Variants in E4F1 observed in about 807,000 individuals in gnomAD.
E4F1 encodes the protein transcription factor E4F1.
In E4F1, 30 loss-of-function variants were observed where a neutral mutation model predicts 72.9. The ratio of observed to expected loss-of-function variants is 0.41; its 90% CI spans 0.31 to 0.56. E4F1 has a LOEUF of 0.56. Among genes scored for constraint, E4F1 ranks in the 20% least tolerant of loss-of-function variants. E4F1 has a pLI of 0.25. For missense variants in E4F1, 1,091 were observed against 1,117.5 expected, an observed-to-expected ratio of 0.98 and a Z score of 0.34; for synonymous variants, 542 against 478.2, an observed-to-expected ratio of 1.13 and a Z score of -1.74.
chr16:2,227,476 A>G, intron 1 of E4F1, among the ~76,000 whole-genome samples: 1 of 151,996 alleles, frequency 6.6e-6, no homozygotes, highest in East Asian at 1.9e-4. Flanking sequence ...GGTTCATGCC[A>G]TTCTCCTGCC....
Position 2,234,749 on chromosome 16 carries a change from A to G in E4F1, c.1760A>G (p.His587Arg). 1 of 1,525,206 alleles carries G rather than the reference A, an allele frequency of 6.6e-7. No individual in the cohort carries two copies. Among genetic ancestry groups the G allele is most frequent in the Non-Finnish European group, 8.8e-7 (1 of 1,133,910 alleles). 94.5% of individuals were successfully genotyped at this position (1,525,206 alleles called of 1,614,324 possible). A position where few individuals can be genotyped will look rare whatever the true frequency, so the allele number is the denominator to read the frequency against. The change falls in exon 11 of 14, where the codon CAC becomes CGC. Residue 587 changes from histidine to arginine, a missense_variant. Physicochemically the swap from His to Arg is conservative, Grantham distance 29. Around this residue, in one of 5 missense-constraint regions of E4F1, gnomAD observed 622 missense variants for 628.0 expected, o/e 0.99. Coordinates refer to ENST00000301727, the MANE Select transcript of E4F1 (RefSeq NM_004424.5). Reference protein sequence around the residue: ...CYKCGRGFAEHGTLNRHLRTK... With the variant: ...CYKCGRGFAERGTLNRHLRTK... ...AAGTGCGGCCGTGGCTTCGCCGAGC[A>G]CGGCACGCTGAACCGGCACCTGCGC... is the stretch of plus-strand genomic sequence containing the variant.
At chr16:2,224,528 G>T (rs1157337657) in intron 1 of E4F1, among the ~76,000 whole-genome samples, 1 of 152,210 alleles carries the variant, frequency 6.6e-6, no homozygotes, top group East Asian at 1.9e-4. Context: ...GGTGGCTCAC[G>T]CCTGTAATCC....
chr16:2,227,988 T>C (rs2093442273), intron 1 of E4F1, among the ~76,000 whole-genome samples: 1 of 152,128 alleles, frequency 6.6e-6, no homozygotes, highest in South Asian at 2.1e-4. Context: ...TCCTGGTCCT[T>C]TACTGTCCCC....
intron 2 of E4F1, 135 bp downstream of exon 2, chr16:2,228,658 G>A (rs775743732): frequency 4.7e-5 from 53 of 1,133,016 alleles, no homozygotes; most frequent in South Asian, 1.4e-4. Flanking sequence ...ACCTGGCTGC[G>A]GTGTGGGAGG....
Position 2,223,601 on chromosome 16 carries a change from G to T in E4F1, c.-13G>T. 6.3e-7 allele frequency: 1 copy of T among 1,583,948 alleles called. No homozygotes were observed. On this transcript the variant is annotated 5_prime_UTR_variant, in exon 1 of 14. Coordinates refer to ENST00000301727, the MANE Select transcript of E4F1 (RefSeq NM_004424.5). ...GGTCGTAAATCCGCCATCTTCCTGC[G>T]GCGCGTTGCGACATGGAGGGCGCGA... is the stretch of plus-strand genomic sequence containing the variant.
chr16:2,226,096 A>G (rs567239912), intron 1 of E4F1, among the ~76,000 whole-genome samples: 1 of 152,014 alleles, frequency 6.6e-6, no homozygotes, highest in African/African-American at 2.4e-5. Flanking sequence ...CCGCCTTGAA[A>G]GAAAAAAAAA....
chr16:2,229,805 G>A, intron 3 of E4F1, 130 bp downstream of exon 3: 1 of 971,992 alleles, frequency 1.0e-6, no homozygotes, highest in Non-Finnish European at 1.5e-6. Flanking sequence ...GCGGCCTCGT[G>A]GCAGCCTTTC....
At position 2,229,573 on chromosome 16, in the gene E4F1, G is replaced by T; in HGVS notation, c.313G>T (p.Val105Leu). ...ATTALLGQEV[V>L]PAAPGPEEPI... is the part of the protein sequence containing the mutation. The stretch of plus-strand genomic sequence containing the variant: ...TGTTTTCTTCCCCCTTTGGCAGGTG[G>T]TGCCGGCAGCACCAGGCCCAGAGGA... The change falls in exon 3 of 14, where the codon GTG (valine) becomes TTG (leucine). Residue 105 changes from valine (V) to leucine (L), a missense_variant. This residue lies in a region of E4F1 where 362 missense variants were observed against 358.6 expected (regional missense o/e 1.01). Transcript: ENST00000301727. The T allele has an allele frequency of 6.2e-7, 1 of 1,610,506 alleles. No individual in the cohort carries two copies. The highest frequency in any genetic ancestry group is 8.5e-7 in the Non-Finnish European group (1 of 1,179,770).
In E4F1 at chr16:2,228,408, C is replaced by T; in HGVS notation, c.194C>T (p.Ala65Val). 1.9e-6 allele frequency: 3 copies of T among 1,613,808 alleles called. No individual in the cohort carries two copies. The highest frequency in any genetic ancestry group is 2.5e-6 in the Non-Finnish European group (3 of 1,180,030). ...GTGCACAGATGCGGCCGCTGCCAGG[C>T]AGAGTTCACCGCCTTGGAGGATTTT... ...DDVHRCGRCQ[A>V]EFTALEDFVQ... The change falls in exon 2 of 14, where the codon GCA becomes GTA. Residue 65 changes from alanine to valine, a missense_variant. Around this residue, in one of 5 missense-constraint regions of E4F1, gnomAD observed 362 missense variants for 358.6 expected, o/e 1.01. Coordinates refer to ENST00000301727, the MANE Select transcript of E4F1 (RefSeq NM_004424.5).
At chr16:2,231,996 C>T in intron 3 of E4F1, 175 bp from the exon 4 acceptor site, 1 of 745,640 alleles carries the variant, frequency 1.3e-6, no homozygotes, top group Non-Finnish European at 2.2e-6. Flanking sequence ...CTCACTCTGA[C>T]CTGGAGAGGT....
chr16:2,232,364 G>A lies in E4F1; in HGVS notation c.609G>A (p.Thr203=), dbSNP rs1357757020. 2 of 1,601,142 alleles carry A rather than the reference G, an allele frequency of 1.2e-6. No homozygotes were observed. The highest frequency in any genetic ancestry group is 1.7e-6 in the Non-Finnish European group (2 of 1,171,922). Residue 203 remains threonine (T), a splice_region_variant and synonymous_variant, in exon 4 of 14, where the codon ACG becomes ACA. Transcript: ENST00000301727. ...CGCTGTGCCACAAGACCTTCAAGACGGTGAGCCGGCGTGCGGGGAGCCAGT... is the reference window on the plus strand; with the variant it reads ...CGCTGTGCCACAAGACCTTCAAGACAGTGAGCCGGCGTGCGGGGAGCCAGT... ...VCALCHKTFK[T]GSILKAHMVT...
chr16:2,224,010 G>A (rs777053167), intron 1 of E4F1: 1 of 1,435,826 alleles, frequency 7.0e-7, no homozygotes, highest in South Asian at 1.4e-5. Context: ...AGTGCTCGCG[G>A]GTTGCTGAGC....
At chr16:2,234,544 T>G in intron 10 of E4F1, 39 bp from the exon 11 acceptor site, 1 of 1,557,388 alleles carries the variant, frequency 6.4e-7, no homozygotes, top group Admixed American at 1.9e-5. Context: ...TAGTCTGTTG[T>G]GGCCAAGGCC....
rs1470613560 is a variant in E4F1 at position 2,234,937 on chromosome 16, A to G, written c.1871A>G (p.Asp624Gly). 1.9e-6 allele frequency: 3 copies of G among 1,573,316 alleles called. No homozygotes were observed. Among genetic ancestry groups the G allele is most frequent in the East Asian group, 2.3e-5 (1 of 42,594 alleles). ...GCAGCCACCACCGTCCTCACGGAAG[A>G]CCCGCACACAGTGTTGGTGGAGTTC... Reference protein sequence around the residue: ...PAAATTVLTEDPHTVLVEFSS... With the variant: ...PAAATTVLTEGPHTVLVEFSS... The change falls in exon 12 of 14, where the codon GAC (aspartate) becomes GGC (glycine). Residue 624 changes from aspartate (D) to glycine (G), a missense_variant. Transcript: ENST00000301727.
chr16:2,233,454 A>C lies in E4F1; in HGVS notation c.1073A>C (p.Glu358Ala). The C allele has an allele frequency of 6.6e-7, 1 of 1,507,216 alleles. No homozygotes were observed. Among genetic ancestry groups the C allele is most frequent in the Non-Finnish European group, 8.8e-7 (1 of 1,133,798 alleles). The allele number at this position is 1,507,216 out of a possible 1,614,324, so 93.4% of individuals were successfully genotyped here. A position where few individuals can be genotyped will look rare whatever the true frequency, so the allele number is the denominator to read the frequency against. The change falls in exon 8 of 14, where the codon GAG (glutamate) becomes GCG (alanine). Residue 358 changes from glutamate to alanine, a missense_variant. Physicochemically the swap from Glu to Ala is moderately radical, Grantham distance 107 (BLOSUM62 -1). Around this residue, in one of 5 missense-constraint regions of E4F1, gnomAD observed 622 missense variants for 628.0 expected, o/e 0.99. Coordinates refer to ENST00000301727, the MANE Select transcript of E4F1 (RefSeq NM_004424.5). Reference protein sequence around the residue: ...ALAPEPPVSQELPCSSEGSRE... With the variant: ...ALAPEPPVSQALPCSSEGSRE... ...CCCCTGCAGCCCCCCGTCTCCCAGG[A>C]GCTCCCCTGCTCCAGCGAGGGCAGC...
chr16:2,224,211 T>G (rs1242067533), intron 1 of E4F1, among the ~76,000 whole-genome samples: 1 of 152,136 alleles, frequency 6.6e-6, no homozygotes, highest in African/African-American at 2.4e-5. Context: ...GGCCTGTCCG[T>G]AGGGAGGCAG....
intron 1 of E4F1, among the ~76,000 whole-genome samples, chr16:2,224,933 C>T (rs1419993336): frequency 6.6e-6 from 1 of 152,018 alleles, no homozygotes; most frequent in Non-Finnish European, 1.5e-5. Context: ...AAGATTGTGG[C>T]CAGGCGCAGT....
Position 2,234,889 on chromosome 16 carries a change from T to C in E4F1, c.1823T>C (p.Leu608Pro). The stretch of plus-strand genomic sequence containing the variant: ...TGCCTGCTGGAGGTGGAGGAGTTGC[T>C]GGTGTCTGAGGACAGCCCCGCGGCA... Reference protein sequence around the residue: ...GGCLLEVEELLVSEDSPAAAT... With the variant: ...GGCLLEVEELPVSEDSPAAAT... Residue 608 changes from leucine (L) to proline (P), a missense_variant, in exon 12 of 14, where the codon CTG becomes CCG. Physicochemically the swap from Leu to Pro is moderately conservative, Grantham distance 98. Around this residue, in one of 5 missense-constraint regions of E4F1, gnomAD observed 622 missense variants for 628.0 expected, o/e 0.99. Transcript: ENST00000301727. 3 of 1,550,914 alleles carry C rather than the reference T, an allele frequency of 1.9e-6. No individual in the cohort carries two copies. Among genetic ancestry groups the C allele is most frequent in the Non-Finnish European group, 2.6e-6 (3 of 1,147,326 alleles).
chr16:2,230,607 T>TG (rs1219853093), intron 3 of E4F1: 2 of 152,180 alleles, frequency 1.3e-5, no homozygotes, highest in Non-Finnish European at 2.9e-5. Context: ...TGGGCAGCCC[T>TG]GGGGACTGGC....
Sources: allele counts gnomAD v4.1 joint callset (sites outside exome capture counted in the v4.1 genomes callset), GRCh38; gene constraint gnomAD v4.1.1; regional missense constraint gnomAD v4.1.1; transcripts MANE v1.5; gene names NCBI Gene and HGNC (gene_info 2026-07-23, HGNC 2026-07-21).